Variants in CERS6 observed in about 807,000 individuals in gnomAD.
CERS6 encodes the protein LAG1 homolog, ceramide synthase 6.
In CERS6, 26 loss-of-function variants were observed where a neutral mutation model predicts 56.8. That is an observed-to-expected ratio of 0.46 (90% CI 0.34 to 0.63). The LOEUF (loss-of-function observed/expected upper bound fraction) is 0.63. Ranked by LOEUF, CERS6 falls within the 30% of genes least tolerant of loss-of-function variation. The pLI is 0.01. For synonymous variants in CERS6, 164 were observed against 173.3 expected (o/e 0.95, Z 0.42); for missense variants, 415 against 467.5 (o/e 0.89, Z 1.04).
At chr2:168,510,790 T>G (rs1694765520) in intron 1 of CERS6, among the ~76,000 whole-genome samples, 2 of 152,206 alleles carry the variant, frequency 1.3e-5, no homozygotes, top group African/African-American at 4.8e-5. Context: ...GGGCTCAATG[T>G]GCTGGGTAAT....
chr2:168,538,475 A>G (rs1695306343), intron 1 of CERS6, among the ~76,000 whole-genome samples: 1 of 152,010 alleles, frequency 6.6e-6, no homozygotes, highest in South Asian at 2.1e-4. Context: ...TTCTTTCCTT[A>G]CTTCCTTCAG....
chr2:168,671,135 A>ATT lies in CERS6; in HGVS notation c.466-19890_466-19889dup, dbSNP rs1199093677. Among the ~76,000 whole-genome samples the ATT allele has an allele frequency of 3.4e-5, 5 of 147,860 alleles. No individual in the cohort carries two copies. In the East Asian group the frequency reaches 7.9e-4, roughly 23 times the overall value. On this transcript the variant is annotated intron_variant, in intron 4 of 9. Transcript: ENST00000305747. Reference sequence around the variant, plus strand: ...GCCACCACACCTAGCTAATTTTTGTATTTTTTTTTTCAGTAGAGACAGGGT... The same window carrying ATT: ...GCCACCACACCTAGCTAATTTTTGTATTTTTTTTTTTTCAGTAGAGACAGGGT...
intron 3 of CERS6, among the ~76,000 whole-genome samples, chr2:168,592,447 C>T (rs866666891): frequency 5.9e-5 from 9 of 152,120 alleles, no homozygotes; most frequent in Non-Finnish European, 1.0e-4. Flanking sequence ...GAACCTTAAC[C>T]GGGGCAGCAA....
In CERS6 at chr2:168,628,310, CCA is replaced by C. The variant is rs986072406; in HGVS notation, c.408-2673_408-2672del. Among the ~76,000 whole-genome samples, 51 of 152,216 alleles carry C rather than the reference CCA, an allele frequency of 3.4e-4. 2 individuals carry two copies. Among genetic ancestry groups the C allele is most frequent in the African/African-American group, 1.2e-3 (48 of 41,530 alleles). On this transcript the variant is annotated intron_variant, in intron 3 of 9. Coordinates refer to ENST00000305747, the MANE Select transcript of CERS6 (RefSeq NM_203463.3). ...GGGGATGTGTGGATTGCCCTCAGCC[CCA>C]CTCTCTCTCCTCCTGTTTGTTAGTA... is the stretch of plus-strand genomic sequence containing the variant.
intron 1 of CERS6, among the ~76,000 whole-genome samples, chr2:168,490,593 A>G (rs74396649): frequency 0.055 from 8,421 of 152,254 alleles, 343 homozygotes; most frequent in East Asian, 0.18. Context: ...TATCGAGCAC[A>G]TGCTTCTGCT....
chr2:168,469,441 T>C (rs1052188361), intron 1 of CERS6, among the ~76,000 whole-genome samples: 2 of 152,214 alleles, frequency 1.3e-5, no homozygotes, highest in African/African-American at 4.8e-5. Flanking sequence ...CACAATGCTG[T>C]ATAACGACAA....
intron 5 of CERS6, among the ~76,000 whole-genome samples, chr2:168,692,930 CAT>C (rs1686542771): frequency 6.6e-6 from 1 of 152,026 alleles, no homozygotes; most frequent in South Asian, 2.1e-4. Flanking sequence ...GTATCTTTAG[CAT>C]ATATGTTAAA....
At chr2:168,562,123 C>A (rs1695800693) in intron 3 of CERS6, among the ~76,000 whole-genome samples, 1 of 152,158 alleles carries the variant, frequency 6.6e-6, no homozygotes, top group Non-Finnish European at 1.5e-5. Flanking sequence ...GGAGCTGTTT[C>A]CTGACGTCTG....
chr2:168,587,121 A>G (rs576496169), intron 3 of CERS6, among the ~76,000 whole-genome samples: 5 of 112,498 alleles, frequency 4.4e-5, no homozygotes, highest in Non-Finnish European at 7.4e-5. Flanking sequence ...AGAGATTACA[A>G]TGAGCCAAGA....
At chr2:168,745,675 A>T (rs1161631779) in intron 8 of CERS6, among the ~76,000 whole-genome samples, 1 of 152,212 alleles carries the variant, frequency 6.6e-6, no homozygotes. Flanking sequence ...TTACAATTCA[A>T]ACTTAACAAC....
chr2:168,734,086 T>C (rs1364135566), intron 8 of CERS6, among the ~76,000 whole-genome samples: 1 of 152,202 alleles, frequency 6.6e-6, no homozygotes, highest in Non-Finnish European at 1.5e-5. Context: ...CTAAAAGTTT[T>C]ATGATGTTAT....
At chr2:168,682,907 C>T (rs972507589) in intron 4 of CERS6, among the ~76,000 whole-genome samples, 1 of 152,060 alleles carries the variant, frequency 6.6e-6, no homozygotes, top group Non-Finnish European at 1.5e-5. Context: ...CTAGAGAATC[C>T]CAAATTAAGA....
intron 1 of CERS6, among the ~76,000 whole-genome samples, chr2:168,491,577 T>C (rs1054199216): frequency 2.6e-5 from 4 of 152,170 alleles, no homozygotes; most frequent in African/African-American, 9.7e-5. Flanking sequence ...AGAAACTGAC[T>C]CCTTAGGGTT....
chr2:168,764,715 C>G (rs1052909992), intron 8 of CERS6, among the ~76,000 whole-genome samples: 7 of 152,112 alleles, frequency 4.6e-5, no homozygotes, highest in African/African-American at 1.7e-4. Context: ...CATTGAATGG[C>G]ATTCTTCGCG....
chr2:168,761,469 T>G (rs1284476270), intron 8 of CERS6, among the ~76,000 whole-genome samples: 1 of 152,246 alleles, frequency 6.6e-6, no homozygotes, highest in Non-Finnish European at 1.5e-5. Context: ...AATGGCATAA[T>G]GCAGTCATTG....
At position 168,770,628 on chromosome 2, in the gene CERS6, A is replaced by G. The variant is rs187148457; in HGVS notation, c.*966A>G. ...TAACTATATTTGGGGACAAAAAAAT[A>G]TTTCAAGAGTTGATAAAGATTACCT... On this transcript the variant is annotated 3_prime_UTR_variant, in exon 10 of 10. Coordinates refer to ENST00000305747, the MANE Select transcript of CERS6 (RefSeq NM_203463.3). 2.0e-5 allele frequency: 3 copies of G among 152,668 alleles called. No individual in the cohort carries two copies. Among genetic ancestry groups the G allele is most frequent in the African/African-American group, 4.8e-5 (2 of 41,492 alleles). The allele number at this position is 152,668 out of a possible 1,614,324, so 9.5% of individuals were successfully genotyped here. A position where few individuals can be genotyped will look rare whatever the true frequency, so the allele number is the denominator to read the frequency against.
chr2:168,726,428 G>A (rs1474951922), intron 8 of CERS6, among the ~76,000 whole-genome samples: 2 of 152,108 alleles, frequency 1.3e-5, no homozygotes, highest in African/African-American at 2.4e-5. Flanking sequence ...TGCCTCTGTC[G>A]TTCTGCCCCA....
At chr2:168,706,591 G>T (rs1290536055) in intron 6 of CERS6, among the ~76,000 whole-genome samples, 1 of 152,160 alleles carries the variant, frequency 6.6e-6, no homozygotes, top group Non-Finnish European at 1.5e-5. Flanking sequence ...TAAAGCTGTG[G>T]TTATACTTGA....
At chr2:168,472,798 G>A (rs1284313106) in intron 1 of CERS6, among the ~76,000 whole-genome samples, 2 of 152,140 alleles carry the variant, frequency 1.3e-5, no homozygotes, top group Admixed American at 1.3e-4. Flanking sequence ...AGGTGTATAA[G>A]TTTGTTGACA....
Sources: gnomAD v4.1 joint callset for allele counts (sites outside exome capture counted in the v4.1 genomes callset) on GRCh38, gnomAD v4.1.1 for gene constraint, MANE v1.5 for transcripts, NCBI Gene and HGNC (gene_info 2026-07-23, HGNC 2026-07-21) for gene names.